The following LAMC2 variants were observed in gnomAD, a reference collection of about 807,000 sequenced individuals.
LAMC2 encodes the protein laminin subunit gamma 2, also known as laminin subunit gamma-2.
In LAMC2, 97 loss-of-function variants were observed where a neutral mutation model predicts 140.2. That is an observed-to-expected ratio of 0.69 (90% CI 0.59 to 0.82). The LOEUF is 0.82. Among genes scored for constraint, LAMC2 ranks in the 40% least tolerant of loss-of-function variants. The pLI is 0.00. For missense variants in LAMC2, 1,402 were observed against 1,476.1 expected (o/e 0.95, Z 0.82); for synonymous variants, 513 against 540.2 (o/e 0.95, Z 0.70).
At chr1:183,208,836 C>T (rs905657322) in intron 2 of LAMC2, among the ~76,000 whole-genome samples, 7 of 151,984 alleles carry the variant, frequency 4.6e-5, no homozygotes, top group African/African-American at 7.3e-5. Flanking sequence ...CCCACCACCA[C>T]GCCCAGCTAA....
rs369646605 is a variant in LAMC2, at chr1:183,243,451, G to T, written c.*51G>T. 2 of 1,611,852 alleles carry T rather than the reference G, an allele frequency of 1.2e-6. No individual in the cohort carries two copies. The highest frequency in any genetic ancestry group is 2.7e-5 in the African/African-American group (2 of 74,870). Reference sequence around the variant, plus strand: ...AGGTTCTTGGGATACAGATCTCAGGGCTCGGGAGCCATGTCATGTGAGTGG... The same window carrying T: ...AGGTTCTTGGGATACAGATCTCAGGTCTCGGGAGCCATGTCATGTGAGTGG... On this transcript the variant is annotated 3_prime_UTR_variant, in exon 23 of 23. Coordinates refer to ENST00000264144, the MANE Select transcript of LAMC2 (RefSeq NM_005562.3).
At chr1:183,200,086 T>C (rs1658657478) in intron 1 of LAMC2, among the ~76,000 whole-genome samples, 1 of 152,226 alleles carries the variant, frequency 6.6e-6, no homozygotes, top group Non-Finnish European at 1.5e-5. Flanking sequence ...AGCATGTTTT[T>C]CAGTTTAGAA....
At chr1:183,209,018 G>T in intron 2 of LAMC2, among the ~76,000 whole-genome samples, 1 of 149,590 alleles carries the variant, frequency 6.7e-6, no homozygotes, top group African/African-American at 2.5e-5. Flanking sequence ...CCCACACAGT[G>T]CTATATTCAT....
At chr1:183,186,899 T>A (rs565973878) in intron 1 of LAMC2, among the ~76,000 whole-genome samples, 1 of 152,340 alleles carries the variant, frequency 6.6e-6, no homozygotes, top group Non-Finnish European at 1.5e-5. Flanking sequence ...GCCTTAATAG[T>A]ATTAGCAATA....
intron 1 of LAMC2, among the ~76,000 whole-genome samples, chr1:183,192,304 G>A (rs1658363848): frequency 6.6e-6 from 1 of 152,194 alleles, no homozygotes; most frequent in African/African-American, 2.4e-5. Context: ...CTCCGCATTA[G>A]AAAAGAATCA....
At chr1:183,246,671 AG>A (rs1660249595), downstream of LAMC2, among the ~76,000 whole-genome samples, 1 of 152,152 alleles carries the variant, frequency 6.6e-6, no homozygotes, top group Non-Finnish European at 1.5e-5. Context: ...GCCTCTTGGG[AG>A]GCTGGAGAAA....
intron 2 of LAMC2, among the ~76,000 whole-genome samples, chr1:183,214,717 C>T (rs1359024054): frequency 6.6e-6 from 1 of 151,742 alleles, no homozygotes; most frequent in Non-Finnish European, 1.5e-5. Context: ...CAAGGCAGGG[C>T]CTGGGTGAGA....
At chr1:183,248,151 C>T (rs1402711916), downstream of LAMC2, 2 of 152,564 alleles carry the variant, frequency 1.3e-5, no homozygotes, top group Non-Finnish European at 2.9e-5. Flanking sequence ...ATTTTTACAA[C>T]TGTTGTCTCC....
Position 183,243,296 on chromosome 1 carries a change from G to T in LAMC2, c.3478G>T (p.Glu1160Ter). The change falls in exon 23 of 23, where the codon GAG becomes TAG. Residue 1160 changes from glutamate to a stop codon, truncating the protein, a stop_gained. Transcript: ENST00000264144. LOFTEE classifies it high-confidence loss of function. ...RQQRGHLHLL[E>*]TSIDGILADV... ...GCAGAGGGGCCACCTCCATTTGCTG[G>T]AGACAAGCATAGATGGGATTCTGGC... 6.2e-7 allele frequency: 1 copy of T among 1,614,202 alleles called. No individual in the cohort carries two copies. Among genetic ancestry groups the T allele is most frequent in the Non-Finnish European group, 8.5e-7 (1 of 1,180,036 alleles).
chr1:183,253,904 CGTGTGTGTGT>C, the LAMC2 span, among the ~76,000 whole-genome samples: 1,415 of 144,314 alleles, frequency 9.8e-3, 11 homozygotes, highest in South Asian at 0.018. Flanking sequence ...GTTCCACTTC[CGTGTGTGTGT>C]GTGTGTGTGT....
chr1:183,204,491 G>T (rs1238754066), intron 1 of LAMC2, among the ~76,000 whole-genome samples: 1 of 151,436 alleles, frequency 6.6e-6, no homozygotes, highest in Non-Finnish European at 1.5e-5. Flanking sequence ...AATTAGTTGG[G>T]CATGGTGGCA....
intron 1 of LAMC2, among the ~76,000 whole-genome samples, chr1:183,202,223 CAA>C (rs199561774): frequency 7.0e-6 from 1 of 142,392 alleles, no homozygotes; most frequent in African/African-American, 2.6e-5. Context: ...ACAACAACAA[CAA>C]AAAAAAAAAA....
chr1:183,215,411 TTTC>T (rs781754204), intron 2 of LAMC2, 39 bp from the exon 3 acceptor site: 20 of 1,605,114 alleles, frequency 1.2e-5, no homozygotes, highest in South Asian at 2.2e-5. Context: ...CATTAAAATA[TTTC>T]TTCTTCTTCT....
intron 1 of LAMC2, among the ~76,000 whole-genome samples, chr1:183,187,341 T>C (rs492228): frequency 0.57 from 86,770 of 152,080 alleles, 25,508 homozygotes; most frequent in East Asian, 0.73. Context: ...TATTGTGCAT[T>C]CCGGGTGATG....
intron 15 of LAMC2, among the ~76,000 whole-genome samples, chr1:183,234,899 A>G (rs1053271434): frequency 6.6e-6 from 1 of 152,272 alleles, no homozygotes; most frequent in South Asian, 2.1e-4. Context: ...CCCAATGATA[A>G]CACGCAGCTC....
chr1:183,218,848 A>G (rs1169612588), intron 4 of LAMC2, among the ~76,000 whole-genome samples: 1 of 152,238 alleles, frequency 6.6e-6, no homozygotes, highest in Non-Finnish European at 1.5e-5. Flanking sequence ...TGGTTGCAGG[A>G]AAGGCCTGGC....
At position 183,238,328 on chromosome 1, in the gene LAMC2, C is replaced by G; in HGVS notation, c.2776C>G (p.Arg926Gly). The change falls in exon 19 of 23, where the codon CGT becomes GGT. Residue 926 changes from arginine (R) to glycine (G), a missense_variant. By Grantham distance (125) the Arg-to-Gly change is moderately radical (BLOSUM62 -2). Around this residue, in one of 3 missense-constraint regions of LAMC2, gnomAD observed 670 missense variants for 667.2 expected, o/e 1.00. Coordinates refer to ENST00000264144, the MANE Select transcript of LAMC2 (RefSeq NM_005562.3). The part of the protein sequence containing the change: ...GREKSDQLLS[R>G]ANLAKSRAQE... Reference sequence around the variant, plus strand: ...ACAGAAATCAGATCAGCTGCTTTCCCGTGCCAATCTTGCTAAAAGCAGAGC... The same window carrying G: ...ACAGAAATCAGATCAGCTGCTTTCCGGTGCCAATCTTGCTAAAAGCAGAGC... The G allele has an allele frequency of 1.2e-6, 2 of 1,613,858 alleles. No individual in the cohort carries two copies.
At position 183,225,611 on chromosome 1, in the gene LAMC2, A is replaced by G; in HGVS notation, c.957A>G (p.Leu319=). 1 of 1,606,200 alleles carries G rather than the reference A, an allele frequency of 6.2e-7. No homozygotes were observed. The highest frequency in any genetic ancestry group is 8.5e-7 in the Non-Finnish European group (1 of 1,172,754). ...CGLTKTYTFR[L]NEHPSNNWSP... ...CTTTTGATTTTAAATTATGCAGGTT[A>G]AATGAGCATCCAAGCAATAATTGGA... Residue 319 remains leucine, a synonymous_variant, in exon 8 of 23, where the codon TTA becomes TTG. Coordinates refer to ENST00000264144, the MANE Select transcript of LAMC2 (RefSeq NM_005562.3).
downstream of LAMC2, among the ~76,000 whole-genome samples, chr1:183,247,958 A>G (rs1465650582): frequency 1.3e-5 from 2 of 152,282 alleles, no homozygotes; most frequent in African/African-American, 2.4e-5. Context: ...GTTAACCAAC[A>G]CTGGACTATG....
Sources: gnomAD v4.1 joint callset for allele counts (sites outside exome capture counted in the v4.1 genomes callset) on GRCh38, gnomAD v4.1.1 for gene constraint, gnomAD v4.1.1 regional missense constraint, MANE v1.5 for transcripts, NCBI Gene and HGNC (gene_info 2026-07-23, HGNC 2026-07-21) for gene names.